UMAD1: variants seen among roughly 807,000 people sequenced by gnomAD.
The protein encoded by UMAD1 is UBAP1-MVB12-associated (UMA)-domain containing protein 1.
A neutral mutation model predicts 6.1 loss-of-function variants in UMAD1; 8 were observed. The observed-to-expected ratio is 1.30, with a 90% CI of 0.76 to 2.35. The LOEUF (loss-of-function observed/expected upper bound fraction) is 2.35. UMAD1 is among the 30% of genes most tolerant of loss of function. The pLI is 0.00. For synonymous variants in UMAD1, 56 were observed against 31.4 expected, an observed-to-expected ratio of 1.78 and a Z score of -2.61; for missense variants, 130 against 78.4, an observed-to-expected ratio of 1.66 and a Z score of -2.49.
chr7:7,814,745 G>T (rs117015565), intron 3 of UMAD1, among the ~76,000 whole-genome samples: 153 of 152,072 alleles, frequency 1.0e-3, no homozygotes, highest in Non-Finnish European at 8.4e-4. Flanking sequence ...CATACATAGG[G>T]GTTTGACTGC....
At chr7:7,733,079 G>A (rs897620554) in intron 2 of UMAD1, among the ~76,000 whole-genome samples, 62 of 152,296 alleles carry the variant, frequency 4.1e-4, no homozygotes, top group African/African-American at 1.5e-3. Flanking sequence ...TCTTAAGCCA[G>A]AAATGTCAGG....
chr7:7,716,683 C>A (rs1214961592), intron 2 of UMAD1, among the ~76,000 whole-genome samples: 1 of 152,218 alleles, frequency 6.6e-6, no homozygotes, highest in African/African-American at 2.4e-5. Context: ...CGGTGGCTCA[C>A]GCCTGTCATC....
intron 2 of UMAD1, among the ~76,000 whole-genome samples, chr7:7,753,331 A>G (rs1781714311): frequency 6.6e-6 from 1 of 152,156 alleles, no homozygotes; most frequent in Non-Finnish European, 1.5e-5. Context: ...ATTGTTCACT[A>G]TAGTCACTCT....
At chr7:7,718,092 CATT>C (rs1182841792) in intron 2 of UMAD1, among the ~76,000 whole-genome samples, 1 of 152,110 alleles carries the variant, frequency 6.6e-6, no homozygotes, top group Non-Finnish European at 1.5e-5. Context: ...ATTAACTTCA[CATT>C]GTTGTATAAT....
intron 2 of UMAD1, among the ~76,000 whole-genome samples, chr7:7,674,439 A>G (rs1334645524): frequency 6.6e-6 from 1 of 152,064 alleles, no homozygotes; most frequent in African/African-American, 2.4e-5. Flanking sequence ...TTACTATAGA[A>G]TTTTCCATCA....
chr7:7,693,732 G>A (rs1324778967), intron 2 of UMAD1, among the ~76,000 whole-genome samples: 3 of 151,912 alleles, frequency 2.0e-5, no homozygotes, highest in African/African-American at 7.3e-5. Flanking sequence ...AATATTATAT[G>A]AACGTGAAGT....
rs1346773212 is a variant in UMAD1, at chr7:7,783,681, T to C, written c.83-17989T>C. 4.6e-5 allele frequency among the ~76,000 whole-genome samples: 7 copies of C among 152,228 alleles called. No homozygotes were observed. The East Asian group carries it at 9.6e-4, about 21-fold the overall frequency. On this transcript the variant is annotated intron_variant, in intron 2 of 3. Transcript: ENST00000682710. ...TGCTTTCATTAGAGAGGCGTAAAAC[T>C]GGTTCTAAGTCCTTAAAAGAAAGTA...
intron 1 of UMAD1, among the ~76,000 whole-genome samples, chr7:7,662,436 G>C (rs2881960): frequency 0.93 from 141,494 of 152,264 alleles, 65,814 homozygotes; most frequent in African/African-American, 0.98. Context: ...ACCCAGGTCC[G>C]TGGTGGCATA....
At chr7:7,729,247 G>T (rs747981787) in intron 2 of UMAD1, among the ~76,000 whole-genome samples, 6 of 152,204 alleles carry the variant, frequency 3.9e-5, no homozygotes, top group Non-Finnish European at 7.3e-5. Context: ...CATGGAACAT[G>T]ATGAGGCTCG....
intron 3 of UMAD1, among the ~76,000 whole-genome samples, chr7:7,839,070 T>C (rs1783625859): frequency 6.6e-6 from 1 of 152,170 alleles, no homozygotes; most frequent in African/African-American, 2.4e-5. Context: ...GTTCCTTAAA[T>C]TGGGTGGTGA....
At chr7:7,677,075 T>C (rs1314401816) in intron 2 of UMAD1, among the ~76,000 whole-genome samples, 1 of 152,184 alleles carries the variant, frequency 6.6e-6, no homozygotes, top group Non-Finnish European at 1.5e-5. Flanking sequence ...GACACATACT[T>C]GCACACATCT....
intron 2 of UMAD1, among the ~76,000 whole-genome samples, chr7:7,781,936 T>C (rs964988510): frequency 3.3e-5 from 5 of 152,110 alleles, no homozygotes; most frequent in Non-Finnish European, 7.4e-5. Flanking sequence ...TACTCATTTT[T>C]ATCAGTTCTC....
rs1031074563 is a variant in UMAD1 at position 7,655,234 on chromosome 7, A to T, written c.-64+14413A>T. Among the ~76,000 whole-genome samples, 5 of 152,110 alleles carry T rather than the reference A, an allele frequency of 3.3e-5. No individual in the cohort carries two copies. In the East Asian group the frequency reaches 9.6e-4, roughly 29 times the overall value. On this transcript the variant is annotated intron_variant, in intron 1 of 3. Coordinates refer to ENST00000682710, the MANE Select transcript of UMAD1 (RefSeq NM_001302348.2). ...AAAAGTCATCCAGTCGTGGGAATAA[A>T]CTAGACTGCCCCTTCCCCCAGTACT...
intron 3 of UMAD1, among the ~76,000 whole-genome samples, chr7:7,803,685 T>A (rs1056686942): frequency 6.6e-6 from 1 of 151,702 alleles, no homozygotes; most frequent in Non-Finnish European, 1.5e-5. Flanking sequence ...GGCAGATTTG[T>A]GTCTGGTGAG....
At chr7:7,737,613 T>C (rs951218012) in intron 2 of UMAD1, among the ~76,000 whole-genome samples, 1 of 152,236 alleles carries the variant, frequency 6.6e-6, no homozygotes, top group African/African-American at 2.4e-5. Flanking sequence ...ACAGTTTATG[T>C]ATTTTGGGGG....
intron 3 of UMAD1, among the ~76,000 whole-genome samples, chr7:7,874,326 C>T (rs1024866174): frequency 6.6e-6 from 1 of 152,190 alleles, no homozygotes; most frequent in Non-Finnish European, 1.5e-5. Flanking sequence ...GCCACCCCAC[C>T]TCTACTATCT....
intron 2 of UMAD1, among the ~76,000 whole-genome samples, chr7:7,794,482 C>T (rs1239733945): frequency 6.6e-6 from 1 of 152,124 alleles, no homozygotes; most frequent in East Asian, 1.9e-4. Flanking sequence ...ACAGACTGAA[C>T]GGACCCCCTC....
chr7:7,748,543 A>G (rs1200623677), intron 2 of UMAD1, among the ~76,000 whole-genome samples: 1 of 152,028 alleles, frequency 6.6e-6, no homozygotes, highest in Admixed American at 6.6e-5. Flanking sequence ...CAAGTGAGGA[A>G]GGACTTATTT....
intron 2 of UMAD1, among the ~76,000 whole-genome samples, chr7:7,764,772 T>G (rs9692542): frequency 0.4 from 60,711 of 152,044 alleles, 14,452 homozygotes; most frequent in African/African-American, 0.68. Context: ...GAACCATTCT[T>G]ATGTCTTGGC....
Sources: allele counts gnomAD v4.1 joint callset (sites outside exome capture counted in the v4.1 genomes callset), GRCh38; gene constraint gnomAD v4.1.1; transcripts MANE v1.5; gene names NCBI Gene and HGNC (gene_info 2026-07-23, HGNC 2026-07-21).